KIF26B: variants seen among roughly 807,000 people sequenced by gnomAD.
KIF26B encodes kinesin family member 26B.
KIF26B carries 63 observed loss-of-function variants against 151.2 expected under a neutral mutation model. The ratio of observed to expected loss-of-function variants is 0.42; its 90% confidence interval spans 0.34 to 0.51. The LOEUF (loss-of-function observed/expected upper bound fraction) is 0.51, where lower values mean the gene tolerates loss of function less well. Among genes scored for constraint, KIF26B ranks in the 20% least tolerant of loss-of-function variants. The pLI is 0.07. For synonymous variants in KIF26B, 1,357 were observed against 1,262.1 expected (o/e 1.08, Z -1.59); for missense variants, 2,813 against 2,913.6 (o/e 0.97, Z 0.79).
At chr1:245,522,070 C>G (rs191904783) in intron 4 of KIF26B, among the ~76,000 whole-genome samples, 1 of 152,032 alleles carries the variant, frequency 6.6e-6, no homozygotes, top group Non-Finnish European at 1.5e-5. Context: ...GGGGTTTCAC[C>G]GTGTTAGCCA....
chr1:245,266,278 G>A (rs535140004), intron 2 of KIF26B, among the ~76,000 whole-genome samples: 1 of 152,252 alleles, frequency 6.6e-6, no homozygotes, highest in South Asian at 2.1e-4. Context: ...GTGAAAATAT[G>A]AGTCTGATAA....
chr1:245,585,280 A>C (rs748671500), intron 5 of KIF26B, among the ~76,000 whole-genome samples: 7 of 152,232 alleles, frequency 4.6e-5, no homozygotes, highest in Non-Finnish European at 1.0e-4. Flanking sequence ...GCGTATGTGA[A>C]ACCAATTCCC....
In KIF26B at chr1:245,586,856, G is replaced by A. The variant is rs529940636; in HGVS notation, c.1351-15721G>A. Among the ~76,000 whole-genome samples, 34 of 147,466 alleles carry A rather than the reference G, an allele frequency of 2.3e-4. 1 individual carries two copies. In the East Asian group the frequency reaches 4.2e-3, roughly 18 times the overall value. On this transcript the variant is annotated intron_variant, in intron 5 of 14. Transcript: ENST00000407071. Reference sequence around the variant, plus strand: ...AGCCGAGATTGCGCCACTGCAGTCCGCAGTCCGGCCTGGGTGACAGAGCGA... The same window carrying A: ...AGCCGAGATTGCGCCACTGCAGTCCACAGTCCGGCCTGGGTGACAGAGCGA...
chr1:245,367,013 C>A lies in KIF26B; in HGVS notation c.645C>A (p.Asp215Glu). 1 of 1,612,680 alleles carries A rather than the reference C, an allele frequency of 6.2e-7. No individual in the cohort carries two copies. Among genetic ancestry groups the A allele is most frequent in the Non-Finnish European group, 8.5e-7 (1 of 1,179,490 alleles). ...LEQAAGSEHY[D>E]ASPCSPPPLS... is the part of the protein sequence containing the mutation. ...AGGCAGCCGGCAGTGAGCACTACGA[C>A]GCCTCGCCCTGCTCCCCGCCACCGC... The change falls in exon 3 of 15, where the codon GAC becomes GAA. Residue 215 changes from aspartate (D) to glutamate (E), a missense_variant. Around this residue, in one of 3 missense-constraint regions of KIF26B, gnomAD observed 676 missense variants for 688.1 expected, o/e 0.98. Coordinates refer to ENST00000407071, the MANE Select transcript of KIF26B (RefSeq NM_018012.4). This position sits in a 1 kb window ranked among gnomAD's most constrained non-coding sequence, Gnocchi z 4.2.
intron 5 of KIF26B, among the ~76,000 whole-genome samples, chr1:245,581,658 T>C (rs1558223923): frequency 6.6e-6 from 1 of 152,094 alleles, no homozygotes; most frequent in Non-Finnish European, 1.5e-5. Context: ...AGACATTAAA[T>C]GGGGAGGGAG....
chr1:245,656,332 CAA>C (rs1340574464), intron 10 of KIF26B, among the ~76,000 whole-genome samples: 1 of 152,172 alleles, frequency 6.6e-6, no homozygotes, highest in African/African-American at 2.4e-5. Context: ...CTGTGTCTTC[CAA>C]AGTTTGCCAC....
intron 9 of KIF26B, 41 bp from the exon 10 acceptor site, chr1:245,646,080 A>G: frequency 6.3e-7 from 1 of 1,598,966 alleles, no homozygotes. Flanking sequence ...AGTGTTTGTC[A>G]GAACTTAACC....
chr1:245,625,550 C>T (rs1351604014), intron 9 of KIF26B, among the ~76,000 whole-genome samples: 3 of 152,168 alleles, frequency 2.0e-5, no homozygotes, highest in East Asian at 1.9e-4. Context: ...TTTTGATGCA[C>T]GCATACAATG....
At chr1:245,246,901 A>C (rs531405404) in intron 2 of KIF26B, among the ~76,000 whole-genome samples, 1 of 150,480 alleles carries the variant, frequency 6.6e-6, no homozygotes, top group Admixed American at 6.6e-5. Flanking sequence ...ACAGACACAC[A>C]CACACAGACA....
intron 9 of KIF26B, among the ~76,000 whole-genome samples, chr1:245,643,647 T>C (rs2043916383): frequency 6.6e-6 from 1 of 152,250 alleles, no homozygotes; most frequent in South Asian, 2.1e-4. Flanking sequence ...GTGGTTATCA[T>C]TTCCAAAGCT....
At chr1:245,384,537 T>G (rs939023233) in intron 3 of KIF26B, among the ~76,000 whole-genome samples, 5 of 152,340 alleles carry the variant, frequency 3.3e-5, no homozygotes, top group African/African-American at 1.2e-4. Flanking sequence ...TCCTCCCACT[T>G]TGACCTCCCA....
At chr1:245,324,968 A>G (rs1031769006) in intron 2 of KIF26B, among the ~76,000 whole-genome samples, 1 of 151,452 alleles carries the variant, frequency 6.6e-6, no homozygotes, top group African/African-American at 2.4e-5. Flanking sequence ...GGTGGCATGC[A>G]CCTGTAATCC....
intron 2 of KIF26B, among the ~76,000 whole-genome samples, chr1:245,327,124 C>G (rs1314723308): frequency 6.6e-6 from 1 of 152,210 alleles, no homozygotes; most frequent in Non-Finnish European, 1.5e-5. Flanking sequence ...ACACAGATGA[C>G]CATGTATACA....
chr1:245,632,399 A>G (rs1374115670), intron 9 of KIF26B, among the ~76,000 whole-genome samples: 1 of 152,188 alleles, frequency 6.6e-6, no homozygotes, highest in African/African-American at 2.4e-5. Context: ...TATGATTTCA[A>G]CTTTTAAAAA....
intron 6 of KIF26B, among the ~76,000 whole-genome samples, chr1:245,605,455 G>A (rs969990200): frequency 8.5e-5 from 13 of 152,280 alleles, no homozygotes; most frequent in Middle Eastern, 3.4e-3. Context: ...CTTTCTCTTC[G>A]TTTCTAAGGA....
chr1:245,189,214 A>G (rs2103531738), intron 2 of KIF26B, among the ~76,000 whole-genome samples: 1 of 152,350 alleles, frequency 6.6e-6, no homozygotes, highest in East Asian at 1.9e-4. Context: ...ATTTTACCAT[A>G]ATAAAAATGG....
intron 2 of KIF26B, among the ~76,000 whole-genome samples, chr1:245,268,344 C>T (rs973044735): frequency 4.6e-5 from 7 of 151,744 alleles, no homozygotes; most frequent in African/African-American, 1.4e-4. Flanking sequence ...TGGTGGCACA[C>T]GCCTGTAGTC....
intron 2 of KIF26B, among the ~76,000 whole-genome samples, chr1:245,325,010 G>A (rs866275031): frequency 4.7e-5 from 7 of 149,950 alleles, no homozygotes; most frequent in African/African-American, 9.8e-5. Context: ...CAGGAGAATC[G>A]CTTGAACCCA....
intron 9 of KIF26B, among the ~76,000 whole-genome samples, chr1:245,618,542 A>G (rs376618114): frequency 2.0e-5 from 3 of 148,810 alleles, no homozygotes; most frequent in South Asian, 4.3e-4. Context: ...AGAGTGCCAC[A>G]GTGCTGGGGC....
Sources: gnomAD v4.1 joint callset for allele counts (sites outside exome capture counted in the v4.1 genomes callset) on GRCh38, gnomAD v4.1.1 for gene constraint, gnomAD v4.1.1 regional missense constraint, Gnocchi (gnomAD v3.1) non-coding constraint, MANE v1.5 for transcripts, NCBI Gene and HGNC (gene_info 2026-07-23, HGNC 2026-07-21) for gene names.